Variants in ESRRG observed in about 807,000 individuals in gnomAD.
ESRRG encodes estrogen related receptor gamma, also known as estrogen-related receptor gamma.
A neutral mutation model predicts 44.0 loss-of-function variants in ESRRG; 13 were observed. The observed-to-expected ratio is 0.30, with a 90% CI of 0.19 to 0.47. The LOEUF (loss-of-function observed/expected upper bound fraction) is 0.47, where lower values mean the gene tolerates loss of function less well. Ranked by LOEUF, ESRRG falls within the 20% of genes least tolerant of loss-of-function variation. The pLI is 1.00. For missense variants in ESRRG, 395 were observed against 580.6 expected (o/e 0.68, Z 3.29); for synonymous variants, 215 against 214.6 (o/e 1.00, Z -0.02).
At chr1:217,046,267 C>A (rs999370166) in intron 1 of ESRRG, among the ~76,000 whole-genome samples, 12 of 151,916 alleles carry the variant, frequency 7.9e-5, no homozygotes, top group African/African-American at 2.9e-4. Context: ...ATTTTATATC[C>A]CTATAGCACC....
chr1:217,001,551 G>A (rs933907020), intron 1 of ESRRG, among the ~76,000 whole-genome samples: 3 of 152,256 alleles, frequency 2.0e-5, no homozygotes, highest in Non-Finnish European at 4.4e-5. Flanking sequence ...CTTGAGAAAA[G>A]ACTTAAATTA....
At chr1:216,746,461 C>T (rs539462662) in intron 2 of ESRRG, among the ~76,000 whole-genome samples, 1 of 152,268 alleles carries the variant, frequency 6.6e-6, no homozygotes, top group East Asian at 1.9e-4. Context: ...AATAGTATGA[C>T]ATCCACATAA....
intron 2 of ESRRG, among the ~76,000 whole-genome samples, chr1:216,832,525 A>T (rs1265925944): frequency 1.3e-5 from 2 of 152,146 alleles, no homozygotes. Flanking sequence ...TCTTACATTC[A>T]ACAACTCTGA....
chr1:216,842,033 A>T (rs888060617), intron 2 of ESRRG, among the ~76,000 whole-genome samples: 1 of 152,172 alleles, frequency 6.6e-6, no homozygotes, highest in Admixed American at 6.6e-5. Context: ...AAATTAATTG[A>T]TCTAGAAGCT....
intron 1 of ESRRG, among the ~76,000 whole-genome samples, chr1:216,994,596 T>C (rs2076136688): frequency 6.6e-6 from 1 of 152,172 alleles, no homozygotes; most frequent in South Asian, 2.1e-4. Flanking sequence ...ACTTCTTTTT[T>C]TTTCTTGAGA....
At chr1:216,756,619 C>T (rs1207333030) in intron 2 of ESRRG, among the ~76,000 whole-genome samples, 2 of 151,850 alleles carry the variant, frequency 1.3e-5, no homozygotes, top group South Asian at 2.1e-4. Context: ...TAAAAGAGAA[C>T]GAGGCAGGGA....
chr1:217,135,807 G>T (rs899205112), intron 1 of ESRRG, among the ~76,000 whole-genome samples: 1 of 152,200 alleles, frequency 6.6e-6, no homozygotes, highest in Non-Finnish European at 1.5e-5. Context: ...CTTTGCACTC[G>T]GAAGCGGGCG....
At chr1:216,747,576 A>G (rs535966249) in intron 2 of ESRRG, among the ~76,000 whole-genome samples, 1 of 152,170 alleles carries the variant, frequency 6.6e-6, no homozygotes, top group African/African-American at 2.4e-5. Context: ...ATGGCCCACA[A>G]TGATTGCATT....
chr1:217,031,097 G>T (rs1327236637), intron 1 of ESRRG, among the ~76,000 whole-genome samples: 1 of 152,120 alleles, frequency 6.6e-6, no homozygotes, highest in Non-Finnish European at 1.5e-5. Flanking sequence ...GGTCTGTTTT[G>T]ATATATCCTG....
chr1:216,622,702 TC>T lies in ESRRG; in HGVS notation c.589+28270del, dbSNP rs1307592413. On this transcript the variant is annotated intron_variant, in intron 3 of 6. Coordinates refer to ENST00000408911, the MANE Select transcript of ESRRG (RefSeq NM_001438.4). ...GCATGCCTTTTATCAGTGTTCTGCT[TC>T]TTGTAAACTCAGTTTATAAGCTCAG... Among the ~76,000 whole-genome samples, 3 of 152,116 alleles carry T rather than the reference TC, an allele frequency of 2.0e-5. No individual in the cohort carries two copies. In the East Asian group the frequency reaches 5.8e-4, roughly 29 times the overall value.
chr1:217,002,158 T>C (rs1385390338), intron 1 of ESRRG, among the ~76,000 whole-genome samples: 1 of 151,718 alleles, frequency 6.6e-6, no homozygotes, highest in East Asian at 1.9e-4. Context: ...AAAAATTAGC[T>C]GGGCATGGTG....
chr1:216,664,662 C>T lies in ESRRG; in HGVS notation c.472+12414G>A, dbSNP rs1017342462. Among the ~76,000 whole-genome samples, 4 of 146,716 alleles carry T rather than the reference C, an allele frequency of 2.7e-5. No individual in the cohort carries two copies. The South Asian group carries it at 8.8e-4, about 32-fold the overall frequency. ...CTCTCAAAAATATTTAAACATTCAC[C>T]TCCTACCCATTAGGATGGTTGCTAC... is the stretch of plus-strand genomic sequence containing the variant. On this transcript the variant is annotated intron_variant, in intron 2 of 6. Coordinates refer to ENST00000408911, the MANE Select transcript of ESRRG (RefSeq NM_001438.4).
intron 1 of ESRRG, among the ~76,000 whole-genome samples, chr1:216,986,037 C>G (rs2789558): frequency 0.2 from 29,828 of 152,056 alleles, 3,388 homozygotes; most frequent in East Asian, 0.44. Flanking sequence ...GGAAGCTCTT[C>G]TCAAGGCCCT....
chr1:217,102,250 T>G (rs1490383170), intron 1 of ESRRG, among the ~76,000 whole-genome samples: 1 of 152,202 alleles, frequency 6.6e-6, no homozygotes, highest in Non-Finnish European at 1.5e-5. Flanking sequence ...ACAAAGTGGT[T>G]AGGAAACTTG....
In ESRRG at chr1:216,569,051, T is replaced by TGAAA. The variant is rs563863351; in HGVS notation, c.590-957_590-954dup. On this transcript the variant is annotated intron_variant, in intron 3 of 6. Coordinates refer to ENST00000408911, the MANE Select transcript of ESRRG (RefSeq NM_001438.4). ...CCTGGGCAACAAGAGTGAAACTCTG[T>TGAAA]GAAAGAAAGAAAGAGAGAAAGACAG... is the stretch of plus-strand genomic sequence containing the variant. 2.7e-4 allele frequency among the ~76,000 whole-genome samples: 37 copies of TGAAA among 137,804 alleles called. 1 individual carries two copies. The highest frequency in any genetic ancestry group is 9.9e-4 in the African/African-American group (36 of 36,316). 90.4% of individuals were successfully genotyped at this position (137,804 alleles called of 152,430 possible).
chr1:217,065,686 T>A (rs917796747), intron 1 of ESRRG, among the ~76,000 whole-genome samples: 4 of 152,310 alleles, frequency 2.6e-5, no homozygotes, highest in Admixed American at 2.6e-4. Context: ...CAGTCCCATA[T>A]GGTTTTTGGA....
At chr1:217,116,690 C>T (rs1048930997) in intron 1 of ESRRG, among the ~76,000 whole-genome samples, 15 of 152,290 alleles carry the variant, frequency 9.8e-5, no homozygotes, top group African/African-American at 3.6e-4. Flanking sequence ...TTCCTACTTA[C>T]AAAGACAGTG....
chr1:216,671,341 C>T (rs1221898412), intron 2 of ESRRG, among the ~76,000 whole-genome samples: 1 of 152,130 alleles, frequency 6.6e-6, no homozygotes, highest in South Asian at 2.1e-4. Flanking sequence ...TATAAAGGCA[C>T]CATCAGTGAG....
chr1:216,636,187 T>C (rs2065258781), intron 3 of ESRRG, among the ~76,000 whole-genome samples: 1 of 152,340 alleles, frequency 6.6e-6, no homozygotes, highest in East Asian at 1.9e-4. Flanking sequence ...CTTACTAGTA[T>C]GCTATGTGGA....
Sources: gnomAD v4.1 joint callset for allele counts (sites outside exome capture counted in the v4.1 genomes callset) on GRCh38, gnomAD v4.1.1 for gene constraint, MANE v1.5 for transcripts, NCBI Gene and HGNC (gene_info 2026-07-23, HGNC 2026-07-21) for gene names.